RPS6KA5: variants seen among roughly 807,000 people sequenced by gnomAD.
The protein encoded by RPS6KA5 is ribosomal protein S6 kinase alpha-5.
Under a neutral mutation model 85.5 loss-of-function variants are expected in RPS6KA5, and 27 were observed. The ratio of observed to expected loss-of-function variants is 0.32; its 90% CI spans 0.23 to 0.44. The LOEUF (loss-of-function observed/expected upper bound fraction) is 0.44, where lower values mean the gene tolerates loss of function less well. Among genes scored for constraint, RPS6KA5 ranks in the 20% least tolerant of loss-of-function variants. RPS6KA5 has a pLI of 1.00. For synonymous variants in RPS6KA5, 334 were observed against 348.2 expected (o/e 0.96, Z 0.46); for missense variants, 811 against 980.9 (o/e 0.83, Z 2.31).
intron 13 of RPS6KA5, among the ~76,000 whole-genome samples, chr14:90,893,796 TA>T (rs1480282742): frequency 1.3e-5 from 2 of 152,076 alleles, no homozygotes; most frequent in Non-Finnish European, 2.9e-5. Flanking sequence ...TTTTTGATAC[TA>T]AAAAGGGATC....
At chr14:90,908,302 G>A (rs781156923) in intron 7 of RPS6KA5, among the ~76,000 whole-genome samples, 1 of 152,208 alleles carries the variant, frequency 6.6e-6, no homozygotes, top group Non-Finnish European at 1.5e-5. Flanking sequence ...CACACTGGGA[G>A]AAATTGAGTA....
At chr14:90,910,090 T>G (rs1005910728) in intron 7 of RPS6KA5, among the ~76,000 whole-genome samples, 2 of 148,894 alleles carry the variant, frequency 1.3e-5, no homozygotes, top group Admixed American at 6.6e-5. Context: ...ACTTGCATTA[T>G]TTAAAAAAAA....
At chr14:91,009,236 G>A (rs563671820) in intron 1 of RPS6KA5, among the ~76,000 whole-genome samples, 4 of 152,318 alleles carry the variant, frequency 2.6e-5, no homozygotes, top group Non-Finnish European at 4.4e-5. Context: ...TCATGGATGG[G>A]ATTAGTGCTC....
chr14:90,888,454 A>C (rs891609772), intron 14 of RPS6KA5, among the ~76,000 whole-genome samples: 3 of 152,106 alleles, frequency 2.0e-5, no homozygotes, highest in Non-Finnish European at 4.4e-5. Context: ...CCTTCAACAA[A>C]ACTCAGATCT....
intron 7 of RPS6KA5, among the ~76,000 whole-genome samples, chr14:90,909,659 T>C (rs1220965603): frequency 6.6e-6 from 1 of 152,200 alleles, no homozygotes; most frequent in Non-Finnish European, 1.5e-5. Flanking sequence ...GTTGATTGCC[T>C]AGCCACATAT....
At position 91,008,568 on chromosome 14, in the gene RPS6KA5, C is replaced by CA. The variant is rs1258099279; in HGVS notation, c.104-7410dup. Reference sequence around the variant, plus strand: ...CTAAGAAGTACAGGATTTGTACTGGCAAAAAAATGAGAGGATGGCTGGGAA... The same window carrying CA: ...CTAAGAAGTACAGGATTTGTACTGGCAAAAAAAATGAGAGGATGGCTGGGAA... On this transcript the variant is annotated intron_variant, in intron 1 of 16. Transcript: ENST00000614987. Among the ~76,000 whole-genome samples the CA allele has an allele frequency of 5.3e-5, 8 of 151,886 alleles. No individual in the cohort carries two copies. In the East Asian group the frequency reaches 1.2e-3, roughly 22 times the overall value.
At chr14:90,904,580 C>G (rs186804738) in intron 8 of RPS6KA5, among the ~76,000 whole-genome samples, 18 of 152,176 alleles carry the variant, frequency 1.2e-4, no homozygotes, top group Admixed American at 1.0e-3. Context: ...ATAACTTGTG[C>G]TTGGCCATTG....
At position 90,900,210 on chromosome 14, in the gene RPS6KA5, T is replaced by G; in HGVS notation, c.1277A>C (p.Asp426Ala). Residue 426 changes from aspartate to alanine, a missense_variant, in exon 11 of 17, where the codon GAT becomes GCT. By Grantham distance (126) the Asp-to-Ala change is moderately radical. Coordinates refer to ENST00000614987, the MANE Select transcript of RPS6KA5 (RefSeq NM_004755.4). ...DSPFYQHYDL[D>A]LKDKPLGEGS... is the part of the protein sequence containing the mutation. Reference sequence around the variant, plus strand: ...TTCTCCCAGGGGTTTGTCCTTCAAATCTAGGTCATAGTGTTGATAGAATGG... The same window carrying G: ...TTCTCCCAGGGGTTTGTCCTTCAAAGCTAGGTCATAGTGTTGATAGAATGG... The G allele has an allele frequency of 6.2e-7, 1 of 1,604,444 alleles. No individual in the cohort carries two copies. Among genetic ancestry groups the G allele is most frequent in the Non-Finnish European group, 8.5e-7 (1 of 1,174,682 alleles).
chr14:90,900,235 G>T lies in RPS6KA5; in HGVS notation c.1252C>A (p.Pro418Thr), dbSNP rs758848393. ...TCTAGGTCATAGTGTTGATAGAATG[G>T]AGAGTCCTGTCAAGAAATCAACATC... is the stretch of plus-strand genomic sequence containing the variant. ...VARSAMMKDS[P>T]FYQHYDLDLK... Residue 418 changes from proline (P) to threonine (T), a missense_variant, in exon 11 of 17, where the codon CCA becomes ACA. Physicochemically the swap from Pro to Thr is conservative, Grantham distance 38. This residue lies in a region of RPS6KA5 where 650 missense variants were observed against 793.4 expected (regional missense o/e 0.82). Coordinates refer to ENST00000614987, the MANE Select transcript of RPS6KA5 (RefSeq NM_004755.4). The T allele has an allele frequency of 1.9e-6, 3 of 1,579,754 alleles. No homozygotes were observed. The Admixed American group carries it at 5.3e-5, about 28-fold the overall frequency.
rs190942215 is a variant in RPS6KA5 at position 90,987,161 on chromosome 14, T to C, written c.176-8637A>G. 2.2e-4 allele frequency among the ~76,000 whole-genome samples: 33 copies of C among 152,348 alleles called. No homozygotes were observed. In the East Asian group the frequency reaches 5.6e-3, roughly 26 times the overall value. On this transcript the variant is annotated intron_variant, in intron 2 of 16. Transcript: ENST00000614987. ...ACTGAAGCATAAGGTATAGTGGGTA[T>C]ACACATACACAAATGCAAAATTATA...
Position 90,907,836 on chromosome 14 carries a change from A to G in RPS6KA5, c.807-1537T>C, listed in dbSNP as rs79028771. Reference sequence around the variant, plus strand: ...CAGATCAGACACAAGCATGTCTGAGACAGAAACTGGGAATCCTGCTTCTTG... The same window carrying G: ...CAGATCAGACACAAGCATGTCTGAGGCAGAAACTGGGAATCCTGCTTCTTG... On this transcript the variant is annotated intron_variant, in intron 7 of 16. Coordinates refer to ENST00000614987, the MANE Select transcript of RPS6KA5 (RefSeq NM_004755.4). Among the ~76,000 whole-genome samples the G allele has an allele frequency of 1.6e-3, 243 of 152,318 alleles. 1 individual carries two copies. The highest frequency in any genetic ancestry group is 5.5e-3 in the African/African-American group (230 of 41,572).
At chr14:91,002,230 T>C (rs759049818) in intron 1 of RPS6KA5, among the ~76,000 whole-genome samples, 1 of 152,152 alleles carries the variant, frequency 6.6e-6, no homozygotes, top group Non-Finnish European at 1.5e-5. Context: ...ATCTGTGATT[T>C]ACTTTGAAAT....
intron 3 of RPS6KA5, among the ~76,000 whole-genome samples, chr14:90,977,639 T>C (rs2039624316): frequency 6.6e-6 from 1 of 152,204 alleles, no homozygotes; most frequent in Non-Finnish European, 1.5e-5. Context: ...CCTAAACCTG[T>C]TCATTCTGAG....
In RPS6KA5 at chr14:90,872,546, G is replaced by A. The variant is rs965149383; in HGVS notation, c.2161-224C>T. ...TCTGTTTATATCAAACTAGCTAGGC[G>A]GTCTGAGAGTCACAATTCTAATAAA... On this transcript the variant is annotated intron_variant, in intron 16 of 16. Coordinates refer to ENST00000614987, the MANE Select transcript of RPS6KA5 (RefSeq NM_004755.4). Among the ~76,000 whole-genome samples, 6 of 152,106 alleles carry A rather than the reference G, an allele frequency of 3.9e-5. No homozygotes were observed. In the East Asian group the frequency reaches 5.8e-4, roughly 15 times the overall value.
intron 12 of RPS6KA5, 22 bp downstream of exon 12, chr14:90,899,307 A>AGG (rs2140224385): frequency 7.0e-7 from 1 of 1,429,608 alleles, no homozygotes; most frequent in African/African-American, 1.5e-5. Context: ...CATGGGAAAA[A>AGG]AAAAAAAAAA....
rs776001738 is a variant in RPS6KA5 at position 90,850,910 on chromosome 14, T to G, written c.*21164A>C. On this transcript the variant is annotated 3_prime_UTR_variant, in exon 17 of 17. Coordinates refer to ENST00000614987, the MANE Select transcript of RPS6KA5 (RefSeq NM_004755.4). ...TTTAAACCCACACTCAGACCGACAG[T>G]GTACACCATAAATTTGTACTAGAAC... 1 of 152,240 alleles carries G rather than the reference T, an allele frequency of 6.6e-6. No individual in the cohort carries two copies. Among genetic ancestry groups the G allele is most frequent in the Non-Finnish European group, 1.5e-5 (1 of 68,044 alleles). 9.4% of individuals were successfully genotyped at this position (152,240 alleles called of 1,614,324 possible). A position where few individuals can be genotyped will look rare whatever the true frequency, so the allele number is the denominator to read the frequency against.
intron 3 of RPS6KA5, among the ~76,000 whole-genome samples, chr14:90,973,370 G>GA (rs1566812147): frequency 1.3e-5 from 2 of 150,658 alleles, no homozygotes; most frequent in Non-Finnish European, 3.0e-5. Flanking sequence ...TTGAACCCAG[G>GA]AGGCAGAGGT....
chr14:90,906,383 A>G, intron 7 of RPS6KA5, 84 bp from the exon 8 acceptor site: 1 of 1,103,476 alleles, frequency 9.1e-7, no homozygotes, highest in South Asian at 1.8e-5. Context: ...TTGAAACTGA[A>G]CCACATGTGA....
chr14:91,020,218 CGT>C (rs1294164624), intron 1 of RPS6KA5, among the ~76,000 whole-genome samples: 1 of 134,120 alleles, frequency 7.5e-6, no homozygotes, highest in East Asian at 2.4e-4. Flanking sequence ...TGCATGTACA[CGT>C]GTGTGTGTAT....
Sources: allele counts gnomAD v4.1 joint callset (sites outside exome capture counted in the v4.1 genomes callset), GRCh38; gene constraint gnomAD v4.1.1; regional missense constraint gnomAD v4.1.1; transcripts MANE v1.5; gene names NCBI Gene and HGNC (gene_info 2026-07-23, HGNC 2026-07-21).